The following ASIC2 variants were observed in gnomAD, a reference collection of about 807,000 sequenced individuals.
ASIC2 encodes the protein acid-sensing ion channel 2.
In ASIC2, 25 loss-of-function variants were observed where a neutral mutation model predicts 57.3. The observed-to-expected ratio is 0.44, with a 90% CI of 0.32 to 0.61. ASIC2 has a LOEUF of 0.61. Among genes scored for constraint, ASIC2 ranks in the 20% least tolerant of loss-of-function variants. ASIC2 has a pLI of 0.06. For missense variants in ASIC2, 641 were observed against 738.1 expected (o/e 0.87, Z 1.52); for synonymous variants, 319 against 307.5 (o/e 1.04, Z -0.39).
chr17:33,758,971 C>T (rs1178982791), intron 1 of ASIC2, among the ~76,000 whole-genome samples: 1 of 148,878 alleles, frequency 6.7e-6, no homozygotes, highest in Non-Finnish European at 1.5e-5. Context: ...ATAACAGATA[C>T]CTGAAAATGT....
intron 2 of ASIC2, among the ~76,000 whole-genome samples, chr17:33,095,066 T>C (rs1176262124): frequency 6.6e-6 from 1 of 152,250 alleles, no homozygotes. Flanking sequence ...AGAGCTGTTG[T>C]GAGGCTTAAA....
At chr17:33,339,603 G>T (rs919071781) in intron 1 of ASIC2, among the ~76,000 whole-genome samples, 1 of 152,130 alleles carries the variant, frequency 6.6e-6, no homozygotes, top group Non-Finnish European at 1.5e-5. Context: ...GAAAGGGCCC[G>T]GCACGGTGTC....
intron 1 of ASIC2, among the ~76,000 whole-genome samples, chr17:33,412,020 C>T (rs913286266): frequency 6.6e-6 from 1 of 150,610 alleles, no homozygotes; most frequent in Non-Finnish European, 1.5e-5. Context: ...AAAATGCAAA[C>T]AAAACAAAAC....
At chr17:33,111,563 A>G (rs1311773426) in intron 2 of ASIC2, among the ~76,000 whole-genome samples, 1 of 152,022 alleles carries the variant, frequency 6.6e-6, no homozygotes, top group Non-Finnish European at 1.5e-5. Flanking sequence ...GATATTCAGG[A>G]TGACTGAGAG....
At chr17:33,323,586 C>T (rs868770460) in intron 1 of ASIC2, among the ~76,000 whole-genome samples, 10 of 152,136 alleles carry the variant, frequency 6.6e-5, no homozygotes, top group Admixed American at 2.0e-4. Flanking sequence ...TGGTGGCAGA[C>T]GCCTGTAATC....
chr17:33,830,429 G>T (rs938934973), intron 1 of ASIC2, among the ~76,000 whole-genome samples: 1 of 152,198 alleles, frequency 6.6e-6, no homozygotes, highest in East Asian at 1.9e-4. Context: ...ATCAGTCCCA[G>T]TTGGGCCTGA....
At chr17:33,924,496 C>T (rs746550804) in intron 1 of ASIC2, among the ~76,000 whole-genome samples, 12 of 152,216 alleles carry the variant, frequency 7.9e-5, no homozygotes, top group African/African-American at 1.7e-4. Flanking sequence ...GGAAAGCATT[C>T]GCCATACACT....
intron 1 of ASIC2, among the ~76,000 whole-genome samples, chr17:33,289,730 T>C (rs1905341093): frequency 6.6e-6 from 1 of 152,212 alleles, no homozygotes; most frequent in East Asian, 1.9e-4. Context: ...GTATCAAAAG[T>C]GCATAGTGGC....
intron 1 of ASIC2, among the ~76,000 whole-genome samples, chr17:33,356,105 G>C (rs1316463005): frequency 6.6e-6 from 1 of 152,160 alleles, no homozygotes; most frequent in Non-Finnish European, 1.5e-5. Flanking sequence ...GTAAAAGTTA[G>C]AGAACTCCAC....
At chr17:33,318,292 T>C (rs1173435114) in intron 1 of ASIC2, among the ~76,000 whole-genome samples, 1 of 152,130 alleles carries the variant, frequency 6.6e-6, no homozygotes, top group Non-Finnish European at 1.5e-5. Context: ...TAGGAAGAGA[T>C]ATAATCTTCT....
At chr17:33,482,325 C>T (rs959162399) in intron 1 of ASIC2, among the ~76,000 whole-genome samples, 1 of 152,236 alleles carries the variant, frequency 6.6e-6, no homozygotes, top group Non-Finnish European at 1.5e-5. Flanking sequence ...AAAACCCATG[C>T]TGTTCCCTCT....
chr17:34,141,653 A>G (rs1327298779), intron 1 of ASIC2, among the ~76,000 whole-genome samples: 1 of 152,188 alleles, frequency 6.6e-6, no homozygotes, highest in Non-Finnish European at 1.5e-5. Context: ...GTGCTGGGCA[A>G]CTCATAACCC....
intron 1 of ASIC2, among the ~76,000 whole-genome samples, chr17:33,179,071 G>C (rs918804857): frequency 6.6e-6 from 1 of 152,168 alleles, no homozygotes; most frequent in African/African-American, 2.4e-5. Flanking sequence ...GCACAAATTT[G>C]GTGCCTTTAC....
At chr17:33,737,334 G>T (rs1302878841) in intron 1 of ASIC2, among the ~76,000 whole-genome samples, 3 of 152,256 alleles carry the variant, frequency 2.0e-5, no homozygotes, top group Non-Finnish European at 2.9e-5. Flanking sequence ...TTGTTCTGTT[G>T]AATCCAGGAC....
At chr17:33,487,141 G>T (rs924731136) in intron 1 of ASIC2, among the ~76,000 whole-genome samples, 32 of 152,200 alleles carry the variant, frequency 2.1e-4, no homozygotes, top group African/African-American at 7.0e-4. Flanking sequence ...AGGTGAAGCA[G>T]AATTTTTTTT....
At chr17:33,853,150 A>G (rs1398446239) in intron 1 of ASIC2, among the ~76,000 whole-genome samples, 1 of 152,222 alleles carries the variant, frequency 6.6e-6, no homozygotes, top group Non-Finnish European at 1.5e-5. Context: ...CCAGGTGATG[A>G]TTGAGCAGAG....
intron 1 of ASIC2, among the ~76,000 whole-genome samples, chr17:33,987,807 A>G (rs942838733): frequency 1.3e-5 from 2 of 152,198 alleles, no homozygotes; most frequent in African/African-American, 4.8e-5. Context: ...TCCTTATTCA[A>G]TAAATCATTA....
intron 1 of ASIC2, among the ~76,000 whole-genome samples, chr17:33,660,116 T>C (rs941181804): frequency 1.3e-5 from 2 of 151,576 alleles, no homozygotes; most frequent in Admixed American, 1.3e-4. Context: ...GATACACCCC[T>C]ATAGGGCACT....
At chr17:33,718,861 G>A (rs1909302558) in intron 1 of ASIC2, among the ~76,000 whole-genome samples, 1 of 152,124 alleles carries the variant, frequency 6.6e-6, no homozygotes, top group East Asian at 1.9e-4. Context: ...TGGTAAGAGG[G>A]GTCAGTGACA....
Sources: allele counts gnomAD v4.1 joint callset (sites outside exome capture counted in the v4.1 genomes callset), GRCh38; gene constraint gnomAD v4.1.1; transcripts MANE v1.5; gene names NCBI Gene and HGNC (gene_info 2026-07-23, HGNC 2026-07-21).